Variants in SLCO5A1 observed in about 807,000 individuals in gnomAD.
The protein encoded by SLCO5A1 is solute carrier organic anion transporter family member 5A1, also known as organic anion transporter polypeptide-related protein 4.
SLCO5A1 carries 39 observed loss-of-function variants against 65.1 expected under a neutral mutation model. That is an observed-to-expected ratio of 0.60 (90% confidence interval 0.46 to 0.78). The LOEUF (loss-of-function observed/expected upper bound fraction) is 0.78, where lower values mean the gene tolerates loss of function less well. Ranked by LOEUF, SLCO5A1 falls within the 30% of genes least tolerant of loss-of-function variation. The pLI is 0.00. For synonymous variants in SLCO5A1, 438 were observed against 415.7 expected (o/e 1.05, Z -0.65); for missense variants, 1,029 against 1,069.4 (o/e 0.96, Z 0.53).
At chr8:69,781,966 A>G (rs1283479264) in intron 2 of SLCO5A1, among the ~76,000 whole-genome samples, 1 of 152,124 alleles carries the variant, frequency 6.6e-6, no homozygotes, top group Non-Finnish European at 1.5e-5. Context: ...CTATTATCCT[A>G]ACTTAAAGAA....
chr8:69,818,006 C>T (rs1820475580), intron 2 of SLCO5A1, among the ~76,000 whole-genome samples: 1 of 152,190 alleles, frequency 6.6e-6, no homozygotes, highest in African/African-American at 2.4e-5. Flanking sequence ...CTCAACTGCA[C>T]AGAGCCTTCT....
chr8:69,784,895 GAAGAAAGAAAGAAAGAAAGA>G (rs200219200), intron 2 of SLCO5A1, among the ~76,000 whole-genome samples: 1,222 of 84,910 alleles, frequency 0.014, 19 homozygotes, highest in South Asian at 0.023. Context: ...AAGAAGAAAG[GAAGAAAGAAAGAAAGAAAGA>G]AAGAAAGAAA....
chr8:69,717,290 G>T (rs1815594770), intron 5 of SLCO5A1, among the ~76,000 whole-genome samples: 1 of 152,042 alleles, frequency 6.6e-6, no homozygotes, highest in African/African-American at 2.4e-5. Context: ...ATGAGGTAGG[G>T]GGTCCAACTT....
intron 2 of SLCO5A1, among the ~76,000 whole-genome samples, chr8:69,804,126 G>A (rs1819880857): frequency 6.6e-6 from 1 of 152,108 alleles, no homozygotes; most frequent in Admixed American, 6.5e-5. Context: ...GAGAGACCAT[G>A]CAAAAGTTAA....
At chr8:69,812,242 T>C (rs1820235172) in intron 2 of SLCO5A1, among the ~76,000 whole-genome samples, 1 of 152,174 alleles carries the variant, frequency 6.6e-6, no homozygotes, top group African/African-American at 2.4e-5. Context: ...ATATACGGTA[T>C]AGCAACTCCC....
intron 3 of SLCO5A1, among the ~76,000 whole-genome samples, chr8:69,759,596 C>T (rs1218985353): frequency 6.6e-6 from 1 of 152,040 alleles, no homozygotes; most frequent in African/African-American, 2.4e-5. Context: ...GGGTTTAAAC[C>T]CAGGGGAATA....
At chr8:69,794,459 A>G in intron 2 of SLCO5A1, 1 of 441,564 alleles carries the variant, frequency 2.3e-6, no homozygotes, top group Non-Finnish European at 4.4e-6. Flanking sequence ...TGAAAAGTGG[A>G]AGAGTATTGA....
At chr8:69,706,743 T>C (rs1192596932) in intron 5 of SLCO5A1, among the ~76,000 whole-genome samples, 1 of 152,228 alleles carries the variant, frequency 6.6e-6, no homozygotes, top group Non-Finnish European at 1.5e-5. Context: ...TCTATGGTAA[T>C]TTTGTTACAG....
intron 2 of SLCO5A1, among the ~76,000 whole-genome samples, chr8:69,789,921 G>A (rs573957059): frequency 3.3e-5 from 5 of 152,144 alleles, no homozygotes; most frequent in East Asian, 1.9e-4. Flanking sequence ...GGCCGGGCAC[G>A]GTGGCTCAAG....
rs147408004 is a variant in SLCO5A1, at chr8:69,768,208, T to C, written c.908-6333A>G. On this transcript the variant is annotated intron_variant, in intron 2 of 9. Coordinates refer to ENST00000260126, the MANE Select transcript of SLCO5A1 (RefSeq NM_030958.3). ...GATCATGCCACTGCACTCCAGCCTG[T>C]GCAACAGAGTAAGACCTTGCCTCTT... Among the ~76,000 whole-genome samples, 86 of 152,280 alleles carry C rather than the reference T, an allele frequency of 5.6e-4. 2 individuals carry two copies. The South Asian group carries it at 9.1e-3, about 16-fold the overall frequency.
At chr8:69,748,221 G>A (rs551193254) in intron 4 of SLCO5A1, among the ~76,000 whole-genome samples, 1 of 152,268 alleles carries the variant, frequency 6.6e-6, no homozygotes, top group African/African-American at 2.4e-5. Context: ...GGGTACACAT[G>A]GCTGCCAGGG....
intron 4 of SLCO5A1, among the ~76,000 whole-genome samples, chr8:69,741,276 A>G (rs1486570366): frequency 6.6e-6 from 1 of 152,256 alleles, no homozygotes; most frequent in Non-Finnish European, 1.5e-5. Context: ...CATGAGTTAC[A>G]GTGCAATTGA....
At chr8:69,683,618 A>C (rs1315501047) in intron 6 of SLCO5A1, among the ~76,000 whole-genome samples, 1 of 150,146 alleles carries the variant, frequency 6.7e-6, no homozygotes, top group Non-Finnish European at 1.5e-5. Context: ...GCTGGAGTGC[A>C]GTGGCGTGAT....
chr8:69,799,070 T>C (rs1447872429), intron 2 of SLCO5A1, among the ~76,000 whole-genome samples: 1 of 152,242 alleles, frequency 6.6e-6, no homozygotes, highest in Non-Finnish European at 1.5e-5. Context: ...AAGCACAATT[T>C]GGTGGTTTAA....
chr8:69,833,691 C>T (rs1008066835), intron 1 of SLCO5A1: 1 of 152,252 alleles, frequency 6.6e-6, no homozygotes, highest in African/African-American at 2.4e-5. Flanking sequence ...TGCGTTGGCA[C>T]GTGTGCGCGA....
At chr8:69,769,186 A>G (rs751505384) in intron 2 of SLCO5A1, among the ~76,000 whole-genome samples, 9 of 152,116 alleles carry the variant, frequency 5.9e-5, no homozygotes, top group Non-Finnish European at 7.4e-5. Context: ...GACTCGCCTG[A>G]CCCACACAGG....
At chr8:69,745,051 A>C (rs1419953067) in intron 4 of SLCO5A1, among the ~76,000 whole-genome samples, 1 of 152,206 alleles carries the variant, frequency 6.6e-6, no homozygotes, top group African/African-American at 2.4e-5. Flanking sequence ...GATATGCTTA[A>C]TTTTTCAGAT....
In SLCO5A1 at chr8:69,672,210, G is replaced by T. The variant is rs1044068074; in HGVS notation, c.*659C>A. ...TGAAAGAGAATGTGTCCTACGACCT[G>T]AAGTAGCTGTTCCTTCTATCACACT... is the stretch of plus-strand genomic sequence containing the variant. On this transcript the variant is annotated 3_prime_UTR_variant, in exon 10 of 10. Coordinates refer to ENST00000260126, the MANE Select transcript of SLCO5A1 (RefSeq NM_030958.3). The T allele has an allele frequency of 6.6e-6, 1 of 152,316 alleles. No homozygotes were observed. Among genetic ancestry groups the T allele is most frequent in the South Asian group, 2.1e-4 (1 of 4,832 alleles). The allele number at this position is 152,316 out of a possible 1,614,324, so 9.4% of individuals were successfully genotyped here. A position where few individuals can be genotyped will look rare whatever the true frequency, so the allele number is the denominator to read the frequency against.
chr8:69,697,945 G>T (rs1400775491), intron 6 of SLCO5A1, among the ~76,000 whole-genome samples: 1 of 148,326 alleles, frequency 6.7e-6, no homozygotes, highest in African/African-American at 2.5e-5. Context: ...GGGTTTGGTG[G>T]ACAGATCATT....
Sources: gnomAD v4.1 joint callset for allele counts (sites outside exome capture counted in the v4.1 genomes callset) on GRCh38, gnomAD v4.1.1 for gene constraint, MANE v1.5 for transcripts, NCBI Gene and HGNC (gene_info 2026-07-23, HGNC 2026-07-21) for gene names.